Variants in SLC22A23 observed in about 807,000 individuals in gnomAD.
The protein encoded by SLC22A23 is ion transporter protein.
SLC22A23 carries 26 observed loss-of-function variants against 61.0 expected under a neutral mutation model. The ratio of observed to expected loss-of-function variants is 0.43; its 90% CI spans 0.31 to 0.59. The LOEUF is 0.59. Ranked by LOEUF, SLC22A23 falls within the 20% of genes least tolerant of loss-of-function variation. SLC22A23 has a pLI of 0.11. For missense variants in SLC22A23, 796 were observed against 934.7 expected, an observed-to-expected ratio of 0.85 and a Z score of 1.94; for synonymous variants, 430 against 413.9, an observed-to-expected ratio of 1.04 and a Z score of -0.47.
In SLC22A23 at chr6:3,455,965, C is replaced by T. The variant is rs1291680322; in HGVS notation, c.595G>A (p.Asp199Asn). ...ATGCCGTAGTCCCATGCGCGGCAGT[C>T]ACAGTTGGAGGCGTTGTCCCCCTTG... ...PDKGDNASNCDCRAWDYGIRA... is the reference protein window; with the variant it reads ...PDKGDNASNCNCRAWDYGIRA... Residue 199 changes from aspartate to asparagine, a missense_variant, in exon 1 of 10, where the codon GAC becomes AAC. Asp to Asn is a conservative substitution (Grantham distance 23). Transcript: ENST00000406686. 6 of 1,540,776 alleles carry T rather than the reference C, an allele frequency of 3.9e-6. No homozygotes were observed. Among genetic ancestry groups the T allele is most frequent in the Non-Finnish European group, 4.4e-6 (5 of 1,140,994 alleles).
intron 4 of SLC22A23, chr6:3,313,607 C>T (rs1038279899): frequency 6.6e-6 from 1 of 152,144 alleles, no homozygotes; most frequent in African/African-American, 2.4e-5. Context: ...TATAATGCAG[C>T]ATTTTGCCCC....
chr6:3,318,398 AC>A lies in SLC22A23; in HGVS notation c.1082+5435del, dbSNP rs1332952557. 1.3e-5 allele frequency among the ~76,000 whole-genome samples: 2 copies of A among 151,560 alleles called. No homozygotes were observed. The highest frequency in any genetic ancestry group is 3.9e-4 in the East Asian group (2 of 5,140). ...GGGCCACCATCCGCCTGCCCCAGTC[AC>A]CCCGGGGCCAGCTTCCAGACACCTA... On this transcript the variant is annotated intron_variant, in intron 4 of 9. Transcript: ENST00000406686. The surrounding 1 kb of genome is among the most constrained non-coding windows in gnomAD (Gnocchi z 4.3).
chr6:3,368,813 G>C (rs1043628419), intron 3 of SLC22A23, among the ~76,000 whole-genome samples: 1 of 152,130 alleles, frequency 6.6e-6, no homozygotes, highest in Non-Finnish European at 1.5e-5. Context: ...GCCAGGCAGC[G>C]GCGTCCTCTT....
chr6:3,402,994 G>A (rs573280155), intron 3 of SLC22A23, among the ~76,000 whole-genome samples: 3 of 152,284 alleles, frequency 2.0e-5, no homozygotes, highest in East Asian at 1.9e-4. Flanking sequence ...GGCAGGATGC[G>A]CTGATTTGAG....
chr6:3,370,436 G>A lies in SLC22A23; in HGVS notation c.913+39752C>T, dbSNP rs144495118. 4.7e-3 allele frequency among the ~76,000 whole-genome samples: 710 copies of A among 152,372 alleles called. 5 individuals are homozygous for A. Among genetic ancestry groups the A allele is most frequent in the African/African-American group, 0.016 (648 of 41,584 alleles). ...ACGAAGCTTTCTCTGCACAGGTGTC[G>A]AAAGCAAGGCTCACTCGCACTGGAG... On this transcript the variant is annotated intron_variant, in intron 3 of 9. Coordinates refer to ENST00000406686, the MANE Select transcript of SLC22A23 (RefSeq NM_015482.2).
At position 3,443,947 on chromosome 6, in the gene SLC22A23, C is replaced by T. The variant is rs1771749193; in HGVS notation, c.654+11959G>A. 2.0e-5 allele frequency among the ~76,000 whole-genome samples: 3 copies of T among 152,206 alleles called. 1 individual carries two copies. The highest frequency in any genetic ancestry group is 3.8e-4 in the East Asian group (2 of 5,202). On this transcript the variant is annotated intron_variant, in intron 1 of 9. Transcript: ENST00000406686. ...TGAGTGTCCTAAAAGACACTCCCCA[C>T]CCCACTTTGTGATCTCAGATCCCAC... is the stretch of plus-strand genomic sequence containing the variant.
chr6:3,338,554 C>T (rs1208190758), intron 3 of SLC22A23, among the ~76,000 whole-genome samples: 5 of 152,218 alleles, frequency 3.3e-5, no homozygotes, highest in Admixed American at 2.0e-4. Context: ...TGAACTCCTG[C>T]CCGCCTTGGC....
At chr6:3,442,831 C>A (rs1442488953) in intron 1 of SLC22A23, among the ~76,000 whole-genome samples, 1 of 151,400 alleles carries the variant, frequency 6.6e-6, no homozygotes, top group African/African-American at 2.4e-5. Context: ...AAAAAAAACA[C>A]CTGATAAACA....
intron 9 of SLC22A23, among the ~76,000 whole-genome samples, chr6:3,274,607 C>G (rs977596090): frequency 1.3e-5 from 2 of 152,200 alleles, no homozygotes; most frequent in African/African-American, 2.4e-5. Flanking sequence ...CTGTGGTTCT[C>G]TTGGTTGGCA....
chr6:3,347,641 C>T (rs1764518897), intron 3 of SLC22A23, among the ~76,000 whole-genome samples: 1 of 152,114 alleles, frequency 6.6e-6, no homozygotes. Flanking sequence ...CCTGGTTCTT[C>T]TCAATGGTCT....
intron 4 of SLC22A23, among the ~76,000 whole-genome samples, chr6:3,298,978 CA>C (rs56373817): frequency 0.036 from 3,704 of 104,066 alleles, 59 homozygotes; most frequent in African/African-American, 0.047. Context: ...GACTCCGTCT[CA>C]AAAAAAAAAA....
intron 1 of SLC22A23, among the ~76,000 whole-genome samples, chr6:3,431,427 G>A (rs1173989372): frequency 6.6e-6 from 1 of 152,214 alleles, no homozygotes; most frequent in Non-Finnish European, 1.5e-5. Context: ...GAAAGGGAGG[G>A]AGGGCTGTTA....
intron 9 of SLC22A23, among the ~76,000 whole-genome samples, chr6:3,278,861 C>A (rs920236479): frequency 6.6e-6 from 1 of 152,128 alleles, no homozygotes; most frequent in Non-Finnish European, 1.5e-5. Context: ...CTGACCTTCC[C>A]GGCACTAAAT....
At chr6:3,433,468 G>C (rs1167274733) in intron 1 of SLC22A23, among the ~76,000 whole-genome samples, 2 of 135,270 alleles carry the variant, frequency 1.5e-5, no homozygotes, top group African/African-American at 4.9e-5. Flanking sequence ...CAAAAATTTT[G>C]AAAAGAAAAA....
chr6:3,448,483 TTTTTTTGTTTTTTG>T (rs70998399), intron 1 of SLC22A23, among the ~76,000 whole-genome samples: 15,508 of 151,488 alleles, frequency 0.1, 1,182 homozygotes, highest in African/African-American at 0.21. Context: ...GTCCACCATG[TTTTTTTGTTTTTTG>T]TTTTTTGTTT....
chr6:3,305,457 G>A lies in SLC22A23; in HGVS notation c.1083-7239C>T, dbSNP rs183141483. ...GTAGGGAATACTTAAGTTTTATGACGCGCTCCGTGAATTTAAATTTGCTGC... is the reference window on the plus strand; with the variant it reads ...GTAGGGAATACTTAAGTTTTATGACACGCTCCGTGAATTTAAATTTGCTGC... On this transcript the variant is annotated intron_variant, in intron 4 of 9. Coordinates refer to ENST00000406686, the MANE Select transcript of SLC22A23 (RefSeq NM_015482.2). 3.3e-4 allele frequency among the ~76,000 whole-genome samples: 51 copies of A among 152,300 alleles called. No homozygotes were observed. In the East Asian group the frequency reaches 6.6e-3, roughly 20 times the overall value.
At chr6:3,421,093 T>C (rs1770101422) in intron 1 of SLC22A23, among the ~76,000 whole-genome samples, 1 of 151,390 alleles carries the variant, frequency 6.6e-6, no homozygotes, top group African/African-American at 2.4e-5. Flanking sequence ...GAATGAGACA[T>C]TGTTTCAAAA....
At chr6:3,433,612 G>T (rs9405203) in intron 1 of SLC22A23, among the ~76,000 whole-genome samples, 46,182 of 152,074 alleles carry the variant, frequency 0.3, 8,155 homozygotes, top group East Asian at 0.48. Context: ...GCTTATAATG[G>T]GCACAGCAGT....
intron 3 of SLC22A23, among the ~76,000 whole-genome samples, chr6:3,339,762 C>T (rs538699079): frequency 4.6e-5 from 7 of 152,308 alleles, no homozygotes; most frequent in African/African-American, 1.7e-4. Context: ...CATGAATAAT[C>T]CACCCCTTGT....
Sources: gnomAD v4.1 joint callset for allele counts (sites outside exome capture counted in the v4.1 genomes callset) on GRCh38, gnomAD v4.1.1 for gene constraint, Gnocchi (gnomAD v3.1) non-coding constraint, MANE v1.5 for transcripts, NCBI Gene and HGNC (gene_info 2026-07-23, HGNC 2026-07-21) for gene names.